PVT1: variants seen among roughly 807,000 people sequenced by gnomAD.
The protein encoded by PVT1 is Pvt1 oncogene.
chr8:127,957,043 T>G lies in PVT1; in HGVS notation n.783-32119T>G, dbSNP rs1816578631. Reference sequence around the variant, plus strand: ...TCACTGGCCTAGCTTGCATGGTGGTTTAATGCTTTTCAAACAACTTTTCAA... The same window carrying G: ...TCACTGGCCTAGCTTGCATGGTGGTGTAATGCTTTTCAAACAACTTTTCAA... On this transcript the variant is annotated intron_variant and non_coding_transcript_variant, in intron 3 of 10. Transcript: ENST00000651587. 2.6e-5 allele frequency among the ~76,000 whole-genome samples: 4 copies of G among 152,310 alleles called. No homozygotes were observed. In the South Asian group the frequency reaches 6.2e-4, roughly 24 times the overall value.
intron 2 of PVT1, among the ~76,000 whole-genome samples, chr8:127,820,538 T>A (rs1814716246): frequency 6.6e-6 from 1 of 152,026 alleles, no homozygotes; most frequent in African/African-American, 2.4e-5. Context: ...GTGTAGCATC[T>A]CCCTCGAGGG....
Position 127,998,042 on chromosome 8 carries a change from G to A in PVT1, n.912+8751G>A, listed in dbSNP as rs182852771. On this transcript the variant is annotated intron_variant and non_coding_transcript_variant, in intron 4 of 10. Coordinates refer to ENST00000651587, the Ensembl canonical transcript of PVT1. ...AGGAAGGCCACAGAGGTAAAGTTCC[G>A]CTTTTATGAAATCAAGGGTAGGCAC... Among the ~76,000 whole-genome samples the A allele has an allele frequency of 2.0e-3, 312 of 152,308 alleles. 3 individuals carry two copies. Among genetic ancestry groups the A allele is most frequent in the African/African-American group, 7.3e-3 (304 of 41,562 alleles).
chr8:128,074,707 C>G (rs1458801399), intron 5 of PVT1, among the ~76,000 whole-genome samples: 1 of 152,062 alleles, frequency 6.6e-6, no homozygotes, highest in Admixed American at 6.6e-5. Context: ...GAAAGGATTC[C>G]GTTAGGATGG....
intron 5 of PVT1, among the ~76,000 whole-genome samples, chr8:128,092,351 G>C (rs1814367516): frequency 6.6e-6 from 1 of 152,128 alleles, no homozygotes; most frequent in African/African-American, 2.4e-5. Flanking sequence ...CCTCCCCTGG[G>C]CAGGGGCCTC....
chr8:127,918,105 C>A (rs1353055304), intron 3 of PVT1, among the ~76,000 whole-genome samples: 4 of 152,276 alleles, frequency 2.6e-5, no homozygotes, highest in Non-Finnish European at 4.4e-5. Flanking sequence ...CCTTTCATCT[C>A]TGCTCTCAAA....
At chr8:127,973,825 A>C (rs1196834158) in intron 3 of PVT1, among the ~76,000 whole-genome samples, 1 of 151,804 alleles carries the variant, frequency 6.6e-6, no homozygotes, top group African/African-American at 2.4e-5. Context: ...TAAAAATACA[A>C]AAAAATTAGC....
chr8:128,021,973 A>G (rs1033008093), intron 4 of PVT1, among the ~76,000 whole-genome samples: 4 of 152,008 alleles, frequency 2.6e-5, no homozygotes, highest in African/African-American at 9.7e-5. Flanking sequence ...AATCGCTTGA[A>G]CTCAAGAGGG....
At chr8:127,861,271 G>T (rs1815225128) in intron 2 of PVT1, among the ~76,000 whole-genome samples, 1 of 152,100 alleles carries the variant, frequency 6.6e-6, no homozygotes, top group Non-Finnish European at 1.5e-5. Context: ...GTTTCTGATG[G>T]GAGCCACTTC....
intron 2 of PVT1, among the ~76,000 whole-genome samples, chr8:127,837,558 C>A (rs539965690): frequency 6.6e-6 from 1 of 151,908 alleles, no homozygotes; most frequent in Non-Finnish European, 1.5e-5. Flanking sequence ...TATATAATTT[C>A]CTGAGTTTTC....
chr8:127,962,520 G>T (rs996949120), intron 3 of PVT1, among the ~76,000 whole-genome samples: 2 of 152,144 alleles, frequency 1.3e-5, no homozygotes, highest in Admixed American at 1.3e-4. Context: ...CAGGGCTAGG[G>T]GTTACCATCC....
At chr8:127,809,419 C>G (rs1814566823) in intron 2 of PVT1, among the ~76,000 whole-genome samples, 1 of 152,130 alleles carries the variant, frequency 6.6e-6, no homozygotes, top group Non-Finnish European at 1.5e-5. Flanking sequence ...GCTTAAAACT[C>G]CTGGCTTTAA....
chr8:127,891,777 A>T (rs1815605400), intron 3 of PVT1, among the ~76,000 whole-genome samples: 2 of 152,190 alleles, frequency 1.3e-5, no homozygotes, highest in African/African-American at 4.8e-5. Context: ...GTTGGCGTGG[A>T]CAGTTGATTA....
Position 127,797,121 on chromosome 8 carries a change from G to A in PVT1, n.372+1050G>A, listed in dbSNP as rs10098831. Reference sequence around the variant, plus strand: ...TTGAACTCCCAGCCTCAGGTGATCCGCCCGCCTTGGCCTCCCAAAATGCTG... The same window carrying A: ...TTGAACTCCCAGCCTCAGGTGATCCACCCGCCTTGGCCTCCCAAAATGCTG... On this transcript the variant is annotated intron_variant and non_coding_transcript_variant, in intron 2 of 10. Coordinates refer to ENST00000651587, the Ensembl canonical transcript of PVT1. Among the ~76,000 whole-genome samples the A allele has an allele frequency of 2.8e-4, 42 of 151,788 alleles. No homozygotes were observed. The East Asian group carries it at 7.4e-3, about 27-fold the overall frequency.
At chr8:127,878,486 A>G (rs372995178) in intron 2 of PVT1, among the ~76,000 whole-genome samples, 8 of 152,268 alleles carry the variant, frequency 5.3e-5, no homozygotes, top group East Asian at 3.9e-4. Context: ...TTCTCCCCCT[A>G]GCCTGTTTGT....
intron 5 of PVT1, among the ~76,000 whole-genome samples, chr8:128,086,459 C>T (rs963398813): frequency 6.6e-6 from 1 of 152,176 alleles, no homozygotes; most frequent in Non-Finnish European, 1.5e-5. Flanking sequence ...AGTCTCTTCC[C>T]CAAAGTCACA....
intron 5 of PVT1, among the ~76,000 whole-genome samples, chr8:128,079,809 C>G (rs1752928523): frequency 6.6e-6 from 1 of 151,980 alleles, no homozygotes; most frequent in African/African-American, 2.4e-5. Flanking sequence ...ACTGCCAGCT[C>G]CGCCTCCTGG....
At chr8:127,798,505 G>A (rs1344019143) in intron 2 of PVT1, among the ~76,000 whole-genome samples, 4 of 151,946 alleles carry the variant, frequency 2.6e-5, no homozygotes, top group African/African-American at 9.7e-5. Context: ...TTAGGTGAGG[G>A]CTGCCATGCT....
chr8:128,093,139 A>T (rs1214849353), intron 5 of PVT1, among the ~76,000 whole-genome samples: 1 of 152,198 alleles, frequency 6.6e-6, no homozygotes, highest in Non-Finnish European at 1.5e-5. Flanking sequence ...TAAGGAAAAG[A>T]TTCTACCCTC....
chr8:127,855,504 G>A lies in PVT1; in HGVS notation n.373-35085G>A, dbSNP rs138513255. Among the ~76,000 whole-genome samples, 612 of 152,320 alleles carry A rather than the reference G, an allele frequency of 4.0e-3. 3 individuals are homozygous for A. Among genetic ancestry groups the A allele is most frequent in the Non-Finnish European group, 7.1e-3 (483 of 68,030 alleles). On this transcript the variant is annotated intron_variant and non_coding_transcript_variant, in intron 2 of 10. Coordinates refer to ENST00000651587, the Ensembl canonical transcript of PVT1. ...AGGTGGCTTTGGGGGGGACATTTCT[G>A]CTGGCCCTGGCAGACACTGGACTAG...
Sources: gnomAD v4.1 joint callset for allele counts (sites outside exome capture counted in the v4.1 genomes callset) on GRCh38, gnomAD v4.1.1 for gene constraint, MANE v1.5 for transcripts, NCBI Gene and HGNC (gene_info 2026-07-23, HGNC 2026-07-21) for gene names.